The following EXD3 variants were observed in gnomAD, a reference collection of about 807,000 sequenced individuals.
The protein encoded by EXD3 is exonuclease mut-7 homolog.
A neutral mutation model predicts 98.0 loss-of-function variants in EXD3; 92 were observed. That is an observed-to-expected ratio of 0.94 (90% CI 0.79 to 1.12). The LOEUF (loss-of-function observed/expected upper bound fraction) is 1.12. Ranked by LOEUF, EXD3 falls within the 50% of genes most tolerant of loss-of-function variation. The pLI is 0.00. For synonymous variants in EXD3, 569 were observed against 526.0 expected, an observed-to-expected ratio of 1.08 and a Z score of -1.12; for missense variants, 1,222 against 1,191.6, an observed-to-expected ratio of 1.03 and a Z score of -0.38.
At chr9:137,378,071 G>T (rs1177117544) in intron 3 of EXD3, among the ~76,000 whole-genome samples, 1 of 151,792 alleles carries the variant, frequency 6.6e-6, no homozygotes, top group Non-Finnish European at 1.5e-5. Context: ...GGGATTACAG[G>T]CATGAGCCAC....
At chr9:137,338,834 A>G (rs941747002) in intron 17 of EXD3, among the ~76,000 whole-genome samples, 3 of 148,766 alleles carry the variant, frequency 2.0e-5, no homozygotes, top group African/African-American at 5.0e-5. Flanking sequence ...CGGAGCTTGT[A>G]GTGAGCCAAG....
chr9:137,306,910 C>T lies in EXD3; in HGVS notation c.*40G>A, dbSNP rs767032443. The T allele has an allele frequency of 9.2e-6, 14 of 1,522,490 alleles. 1 individual carries two copies. The South Asian group carries it at 1.7e-4, about 18-fold the overall frequency. 94.3% of individuals were successfully genotyped at this position (1,522,490 alleles called of 1,614,324 possible). On this transcript the variant is annotated 3_prime_UTR_variant, in exon 22 of 22. Coordinates refer to ENST00000340951, the MANE Select transcript of EXD3 (RefSeq NM_017820.5). ...GTGAGCCAGTCCACGGCCATGGGCC[C>T]AGCAGTCGGGCACTTTCCATGTTTA...
At chr9:137,421,537 C>A (rs1476353587) in intron 1 of EXD3, among the ~76,000 whole-genome samples, 1 of 152,208 alleles carries the variant, frequency 6.6e-6, no homozygotes, top group Non-Finnish European at 1.5e-5. Flanking sequence ...CTTCTGGCTA[C>A]AAGTCTCAAA....
intron 1 of EXD3, among the ~76,000 whole-genome samples, chr9:137,415,350 T>G (rs1194442280): frequency 6.6e-6 from 1 of 152,012 alleles, no homozygotes; most frequent in African/African-American, 2.4e-5. Flanking sequence ...ATTACAGGCA[T>G]GCACAGCTAA....
rs186295947 is a variant in EXD3, at chr9:137,410,541, C to T, written c.-48+12573G>A. ...ACCCTTTTAAGTGTCTTCATTTCTT[C>T]TGAAAGGTGCTAACTCAAGCCAAAT... On this transcript the variant is annotated intron_variant, in intron 1 of 21. Coordinates refer to ENST00000340951, the MANE Select transcript of EXD3 (RefSeq NM_017820.5). 2.6e-5 allele frequency among the ~76,000 whole-genome samples: 4 copies of T among 151,688 alleles called. No individual in the cohort carries two copies. The East Asian group carries it at 7.8e-4, about 29-fold the overall frequency.
Position 137,360,401 on chromosome 9 carries a change from G to A in EXD3, c.657-4033C>T, listed in dbSNP as rs1184699496. ...TCCTTTGACGTCCAGAAGGTATTAA[G>A]TCAAATTTGTCAATCTTCTTCTGTT... On this transcript the variant is annotated intron_variant, in intron 7 of 21. Coordinates refer to ENST00000340951, the MANE Select transcript of EXD3 (RefSeq NM_017820.5). 2.5e-5 allele frequency among the ~76,000 whole-genome samples: 2 copies of A among 79,650 alleles called. 1 individual carries two copies. The highest frequency in any genetic ancestry group is 5.8e-5 in the Non-Finnish European group (2 of 34,344). The allele number at this position is 79,650 out of a possible 152,430, so 52.3% of individuals were successfully genotyped here.
intron 17 of EXD3, among the ~76,000 whole-genome samples, chr9:137,330,225 C>G (rs1278056642): frequency 1.4e-5 from 2 of 140,490 alleles, no homozygotes; most frequent in African/African-American, 5.6e-5. Flanking sequence ...TACACAGGAA[C>G]TACACAGGAC....
At chr9:137,312,101 G>A (rs182641030) in intron 19 of EXD3, among the ~76,000 whole-genome samples, 3 of 152,324 alleles carry the variant, frequency 2.0e-5, no homozygotes, top group East Asian at 1.9e-4. Context: ...AGTGTGGGAC[G>A]CACAGACACC....
rs1401552251 is a variant in EXD3 at position 137,393,571 on chromosome 9, C to T, written c.55+1732G>A. 6.6e-6 allele frequency among the ~76,000 whole-genome samples: 1 copy of T among 152,204 alleles called. No homozygotes were observed. Among genetic ancestry groups the T allele is most frequent in the Non-Finnish European group, 1.5e-5 (1 of 68,024 alleles). ...GCTACATCAGGGAAGGCGACATGCC[C>T]GGAGGTGCCCCCACAGCCCTCAGCA... On this transcript the variant is annotated intron_variant, in intron 2 of 21. Transcript: ENST00000340951. This position sits in a 1 kb window ranked among gnomAD's most constrained non-coding sequence, Gnocchi z 4.6.
At chr9:137,384,310 A>T (rs1836474588) in intron 2 of EXD3, among the ~76,000 whole-genome samples, 1 of 152,230 alleles carries the variant, frequency 6.6e-6, no homozygotes, top group Admixed American at 6.5e-5. Context: ...CACCCCAGAG[A>T]GCCAGGCTGA....
In EXD3 at chr9:137,405,362, G is replaced by A. The variant is rs959662242; in HGVS notation, c.-47-9958C>T. 1.3e-5 allele frequency among the ~76,000 whole-genome samples: 2 copies of A among 152,200 alleles called. No individual in the cohort carries two copies. Among genetic ancestry groups the A allele is most frequent in the African/African-American group, 4.8e-5 (2 of 41,460 alleles). On this transcript the variant is annotated intron_variant, in intron 1 of 21. Transcript: ENST00000340951. The surrounding 1 kb of genome is among the most constrained non-coding windows in gnomAD (Gnocchi z 4.1). ...CTCCCTGGGGACCCCTGGACCACAGGACCAACGGGGGCAGGGTGGGCCCCC... is the reference window on the plus strand; with the variant it reads ...CTCCCTGGGGACCCCTGGACCACAGAACCAACGGGGGCAGGGTGGGCCCCC...
intron 17 of EXD3, among the ~76,000 whole-genome samples, chr9:137,332,578 T>C (rs1010837259): frequency 9.9e-5 from 15 of 151,304 alleles, no homozygotes; most frequent in Non-Finnish European, 2.2e-4. Context: ...GCGCAGTGGC[T>C]CACGCCTGTA....
At chr9:137,364,082 A>C (rs999797633) in intron 7 of EXD3, among the ~76,000 whole-genome samples, 1 of 152,086 alleles carries the variant, frequency 6.6e-6, no homozygotes, top group Non-Finnish European at 1.5e-5. Context: ...AGATGTTGTA[A>C]AGAAGAGCTT....
At position 137,373,580 on chromosome 9, in the gene EXD3, CG is replaced by C; in HGVS notation, c.139del (p.Arg47GlyfsTer55). On this transcript the variant is annotated frameshift_variant, in exon 4 of 22. Transcript: ENST00000340951. LOFTEE classifies it high-confidence loss of function. ...ERKQLREEAW[R>X]GFAALDDPLA... ...GGGGTCGTCCAAGGCAGCAAACCCC[CG>C]CCAGGCTTCCTCCCGGAGCTGTGGA... 6.2e-7 allele frequency: 1 copy of C among 1,602,266 alleles called. No homozygotes were observed. The highest frequency in any genetic ancestry group is 8.5e-7 in the Non-Finnish European group (1 of 1,175,240).
intron 19 of EXD3, among the ~76,000 whole-genome samples, chr9:137,318,959 G>A (rs905547891): frequency 4.6e-5 from 7 of 152,258 alleles, no homozygotes; most frequent in African/African-American, 1.4e-4. Flanking sequence ...CTCGCTCTGG[G>A]AACCCTGCAC....
intron 2 of EXD3, among the ~76,000 whole-genome samples, chr9:137,383,591 G>A (rs1836434901): frequency 6.6e-6 from 1 of 152,164 alleles, no homozygotes; most frequent in Non-Finnish European, 1.5e-5. Flanking sequence ...GCCCGTGGCC[G>A]CCCATCCAGC....
chr9:137,330,608 A>G (rs200915064), intron 17 of EXD3, among the ~76,000 whole-genome samples: 4,401 of 95,074 alleles, frequency 0.046, 325 homozygotes, highest in Non-Finnish European at 0.064. Flanking sequence ...ACAGGACTAC[A>G]CAGGACTACA....
intron 19 of EXD3, among the ~76,000 whole-genome samples, chr9:137,316,147 G>A (rs1425824312): frequency 6.6e-6 from 1 of 151,522 alleles, no homozygotes; most frequent in East Asian, 1.9e-4. Flanking sequence ...GAGGGGCGGC[G>A]GCCGTGAGAA....
intron 3 of EXD3, among the ~76,000 whole-genome samples, chr9:137,377,788 A>ATTTT (rs571059789): frequency 1.5e-5 from 2 of 131,790 alleles, no homozygotes; most frequent in Admixed American, 7.7e-5. Context: ...TAGTCGTTGA[A>ATTTT]TTTTTTTTTT....
Sources: allele counts gnomAD v4.1 joint callset (sites outside exome capture counted in the v4.1 genomes callset), GRCh38; gene constraint gnomAD v4.1.1; non-coding constraint Gnocchi (gnomAD v3.1); transcripts MANE v1.5; gene names NCBI Gene and HGNC (gene_info 2026-07-23, HGNC 2026-07-21).